Variants in GUCY2D observed in about 807,000 individuals in gnomAD.
GUCY2D encodes the protein retinal guanylyl cyclase 1.
A neutral mutation model predicts 101.3 loss-of-function variants in GUCY2D; 70 were observed. The observed-to-expected ratio is 0.69, with a 90% CI of 0.57 to 0.84. The LOEUF is 0.84. Among genes scored for constraint, GUCY2D ranks in the 40% least tolerant of loss-of-function variants. The pLI is 0.00. For synonymous variants in GUCY2D, 688 were observed against 670.7 expected, an observed-to-expected ratio of 1.03 and a Z score of -0.40; for missense variants, 1,460 against 1,542.5, an observed-to-expected ratio of 0.95 and a Z score of 0.90.
rs987443994 is a variant in GUCY2D, at chr17:8,002,868, G to A, written c.-10+134G>A. The A allele has an allele frequency of 1.1e-5, 6 of 556,702 alleles. No individual in the cohort carries two copies. Among genetic ancestry groups the A allele is most frequent in the East Asian group, 6.8e-5 (2 of 29,240 alleles). 34.5% of individuals were successfully genotyped at this position (556,702 alleles called of 1,614,324 possible). On this transcript the variant is annotated intron_variant, in intron 1 of 19. Coordinates refer to ENST00000254854, the MANE Select transcript of GUCY2D (RefSeq NM_000180.4). This position sits in a 1 kb window ranked among gnomAD's most constrained non-coding sequence, Gnocchi z 4.9. Reference sequence around the variant, plus strand: ...CGGGAAGCCGGGGCGGCAGAAGGGGGCTTCGGGGCGGTGTCCTTGGCCCCA... The same window carrying A: ...CGGGAAGCCGGGGCGGCAGAAGGGGACTTCGGGGCGGTGTCCTTGGCCCCA...
At position 8,003,942 on chromosome 17, in the gene GUCY2D, G is replaced by C. The variant is rs1343799941; in HGVS notation, c.812G>C (p.Gly271Ala). The change falls in exon 3 of 20, where the codon GGC (glycine) becomes GCC (alanine). Residue 271 changes from glycine (G) to alanine (A), a missense_variant. Coordinates refer to ENST00000254854, the MANE Select transcript of GUCY2D (RefSeq NM_000180.4). ...EAAEELGLTD[G>A]SLVFLPFDTI... ...GCAGAGGAGCTGGGCCTGACCGATG[G>C]CTCCCTGGTCTTCCTGCCCTTCGAC... 1.2e-6 allele frequency: 2 copies of C among 1,613,562 alleles called. No individual in the cohort carries two copies. Among genetic ancestry groups the C allele is most frequent in the Non-Finnish European group, 1.7e-6 (2 of 1,179,888 alleles).
chr17:8,006,380 C>T lies in GUCY2D; in HGVS notation c.1044C>T (p.Gly348=), dbSNP rs748665297. 41 of 1,600,412 alleles carry T rather than the reference C, an allele frequency of 2.6e-5. No individual in the cohort carries two copies. Among genetic ancestry groups the T allele is most frequent in the Non-Finnish European group, 3.3e-5 (39 of 1,179,920 alleles). The change falls in exon 4 of 20, where the codon GGC becomes GGT. Residue 348 remains glycine, a synonymous_variant. Transcript: ENST00000254854. ...TTCTCCAGGTCTCCCCACTCTTTGG[C>T]ACCATCTATGACGCGGTCTTCTTGC... is the stretch of plus-strand genomic sequence containing the variant. ...LNLQQVSPLF[G]TIYDAVFLLA... is the part of the protein sequence containing the mutation.
chr17:8,020,014 G>A (rs1976042713), intron 19 of GUCY2D, 114 bp from the exon 20 acceptor site: 1 of 151,828 alleles, frequency 6.6e-6, no homozygotes, highest in Admixed American at 6.6e-5. Context: ...GATGGCCAAA[G>A]CAGGGACCTC....
Position 8,011,157 on chromosome 17 carries a change from CCACCTGAGGTCAGGAG to C in GUCY2D, c.1750-986_1750-971del, listed in dbSNP as rs1433991693. Among the ~76,000 whole-genome samples, 1 of 150,920 alleles carries C rather than the reference CCACCTGAGGTCAGGAG, an allele frequency of 6.6e-6. No individual in the cohort carries two copies. Among genetic ancestry groups the C allele is most frequent in the Non-Finnish European group, 1.5e-5 (1 of 67,642 alleles). On this transcript the variant is annotated intron_variant, in intron 8 of 19. Coordinates refer to ENST00000254854, the MANE Select transcript of GUCY2D (RefSeq NM_000180.4). The surrounding 1 kb of genome is among the most constrained non-coding windows in gnomAD (Gnocchi z 4.3). ...ACTTTGGGAGGCTGAGGTGGATGGA[CCACCTGAGGTCAGGAG>C]TTCGAGACCAGACTGGCCAACATAG...
rs1975652416 is a variant in GUCY2D, at chr17:8,002,907, G to A, written c.-9-132G>A. On this transcript the variant is annotated intron_variant, in intron 1 of 19. Coordinates refer to ENST00000254854, the MANE Select transcript of GUCY2D (RefSeq NM_000180.4). This position sits in a 1 kb window ranked among gnomAD's most constrained non-coding sequence, Gnocchi z 4.9. ...TCCTTGGCCCCAGTTAGTCTTCCCAGCCTCCGGAGGGGGCGGTAGCAGCAG... is the reference window on the plus strand; with the variant it reads ...TCCTTGGCCCCAGTTAGTCTTCCCAACCTCCGGAGGGGGCGGTAGCAGCAG... 1.5e-6 allele frequency: 1 copy of A among 678,946 alleles called. No homozygotes were observed. Among genetic ancestry groups the A allele is most frequent in the East Asian group, 3.3e-5 (1 of 29,924 alleles). The allele number at this position is 678,946 out of a possible 1,614,324, so 42.1% of individuals were successfully genotyped here.
At chr17:8,004,865 A>G (rs1234884315) in intron 3 of GUCY2D, among the ~76,000 whole-genome samples, 1 of 152,164 alleles carries the variant, frequency 6.6e-6, no homozygotes, top group African/African-American at 2.4e-5. Flanking sequence ...GCAATTTCCC[A>G]TCGATGCCCC....
chr17:8,009,032 T>C (rs558330360), intron 7 of GUCY2D, among the ~76,000 whole-genome samples: 2 of 152,316 alleles, frequency 1.3e-5, no homozygotes, highest in African/African-American at 4.8e-5. Context: ...AGGCCCTGTG[T>C]GACTGCACAG....
rs1419670597 is a variant in GUCY2D, at chr17:8,013,453, A to G, written c.2263+201A>G. 13 of 624,542 alleles carry G rather than the reference A, an allele frequency of 2.1e-5. No individual in the cohort carries two copies. Among genetic ancestry groups the G allele is most frequent in the Admixed American group, 7.4e-5 (3 of 40,564 alleles). 38.7% of individuals were successfully genotyped at this position (624,542 alleles called of 1,614,324 possible). A position where few individuals can be genotyped will look rare whatever the true frequency, so the allele number is the denominator to read the frequency against. ...GGGAGCGTGGTTCATTAGGTCCCAG[A>G]CCACAACAGCTTCCTCTTTCTTGAT... On this transcript the variant is annotated intron_variant, in intron 11 of 19. Transcript: ENST00000254854. This position sits in a 1 kb window ranked among gnomAD's most constrained non-coding sequence, Gnocchi z 5.0.
chr17:8,014,392 T>C lies in GUCY2D; in HGVS notation c.2413-209T>C, dbSNP rs1975919379. On this transcript the variant is annotated intron_variant, in intron 12 of 19. Transcript: ENST00000254854. This position sits in a 1 kb window ranked among gnomAD's most constrained non-coding sequence, Gnocchi z 4.0. ...TTACTAGCTGAGATCAACTGACCTCTGGGAACCCTCATTTCCCACGTGCCT... is the reference window on the plus strand; with the variant it reads ...TTACTAGCTGAGATCAACTGACCTCCGGGAACCCTCATTTCCCACGTGCCT... 1 of 642,154 alleles carries C rather than the reference T, an allele frequency of 1.6e-6. No individual in the cohort carries two copies. The highest frequency in any genetic ancestry group is 2.8e-5 in the East Asian group (1 of 36,112). The allele number at this position is 642,154 out of a possible 1,614,324, so 39.8% of individuals were successfully genotyped here. A position where few individuals can be genotyped will look rare whatever the true frequency, so the allele number is the denominator to read the frequency against.
Position 8,012,198 on chromosome 17 carries a change from CG to C in GUCY2D, c.1808del (p.Gly603GlufsTer34), listed in dbSNP as rs1567960468. 6.2e-7 allele frequency: 1 copy of C among 1,614,096 alleles called. No individual in the cohort carries two copies. The highest frequency in any genetic ancestry group is 8.5e-7 in the Non-Finnish European group (1 of 1,179,996). On this transcript the variant is annotated frameshift_variant, in exon 9 of 20. Coordinates refer to ENST00000254854, the MANE Select transcript of GUCY2D (RefSeq NM_000180.4). LOFTEE classifies it high-confidence loss of function. ...VALYLGLFLA[R>X]GAEGPAALWE... is the part of the protein sequence containing the mutation. ...CCTCTACCTGGGGCTTTTCCTGGCT[CG>C]GGGAGCAGAAGGCCCTGCGGCCCTC...
In GUCY2D at chr17:8,016,039, C is replaced by A. The variant is rs765174065; in HGVS notation, c.3138+18C>A. ...AGCTGAAGGTGAGGCAGGGCCCCAACCCCTCCCGGAGGCCCCGCCCTGTCC... is the reference window on the plus strand; with the variant it reads ...AGCTGAAGGTGAGGCAGGGCCCCAAACCCTCCCGGAGGCCCCGCCCTGTCC... On this transcript the variant is annotated intron_variant, in intron 17 of 19. Coordinates refer to ENST00000254854, the MANE Select transcript of GUCY2D (RefSeq NM_000180.4). 1.3e-6 allele frequency: 2 copies of A among 1,586,290 alleles called. No homozygotes were observed. Among genetic ancestry groups the A allele is most frequent in the Non-Finnish European group, 1.7e-6 (2 of 1,164,324 alleles).
Position 8,012,456 on chromosome 17 carries a change from A to C in GUCY2D, c.1963A>C (p.Arg655=). Residue 655 remains arginine, a synonymous_variant, in exon 10 of 20, where the codon AGG becomes CGG. Coordinates refer to ENST00000254854, the MANE Select transcript of GUCY2D (RefSeq NM_000180.4). ...TTACCCTACCCATTCCAAGGGAATA[A>C]GGTATCTGCACCATCGAGGCGTGGC... ...SLLLDLIKGI[R]YLHHRGVAHG... is the part of the protein sequence containing the mutation. 6.2e-7 allele frequency: 1 copy of C among 1,614,042 alleles called. No homozygotes were observed. Among genetic ancestry groups the C allele is most frequent in the Non-Finnish European group, 8.5e-7 (1 of 1,179,962 alleles).
chr17:8,007,139 T>C lies in GUCY2D; in HGVS notation c.1458T>C (p.Tyr486=). The change falls in exon 5 of 20, where the codon TAT becomes TAC. Residue 486 remains tyrosine, a synonymous_variant. Coordinates refer to ENST00000254854, the MANE Select transcript of GUCY2D (RefSeq NM_000180.4). ...TGGCTGGGGCCTTCCTGGCCCATTA[T>C]GTGAGGTGAGTAGTGGAATGAGGTA... ...MGLAGAFLAH[Y]VRHRLLHMQM... is the part of the protein sequence containing the mutation. The C allele has an allele frequency of 2.5e-6, 4 of 1,610,102 alleles. No individual in the cohort carries two copies. Among genetic ancestry groups the C allele is most frequent in the Non-Finnish European group, 3.4e-6 (4 of 1,176,312 alleles).
At position 8,012,181 on chromosome 17, in the gene GUCY2D, T is replaced by C. The variant is rs780537281; in HGVS notation, c.1787T>C (p.Leu596Pro). 2 of 1,614,056 alleles carry C rather than the reference T, an allele frequency of 1.2e-6. No individual in the cohort carries two copies. The highest frequency in any genetic ancestry group is 1.7e-5 in the Admixed American group (1 of 60,030). ...CGGCATGAGAACGTGGCCCTCTACC[T>C]GGGGCTTTTCCTGGCTCGGGGAGCA... is the stretch of plus-strand genomic sequence containing the variant. ...ELRHENVALY[L>P]GLFLARGAEG... Residue 596 changes from leucine to proline, a missense_variant, in exon 9 of 20, where the codon CTG becomes CCG. By Grantham distance (98) the Leu-to-Pro change is moderately conservative. Coordinates refer to ENST00000254854, the MANE Select transcript of GUCY2D (RefSeq NM_000180.4).
rs1283764912 is a variant in GUCY2D, at chr17:8,014,007, C to T, written c.2391C>T (p.Ser797=). 1 of 1,613,566 alleles carries T rather than the reference C, an allele frequency of 6.2e-7. No homozygotes were observed. Among genetic ancestry groups the T allele is most frequent in the Non-Finnish European group, 8.5e-7 (1 of 1,179,948 alleles). The change falls in exon 12 of 20, where the codon TCC becomes TCT. Residue 797 remains serine (S), a synonymous_variant. Coordinates refer to ENST00000254854, the MANE Select transcript of GUCY2D (RefSeq NM_000180.4). The surrounding 1 kb of genome is among the most constrained non-coding windows in gnomAD (Gnocchi z 4.0). ...CWAEQPELRP[S]MDHTFDLFKN... ...CAGAGCAGCCGGAACTTCGGCCCTC[C>T]ATGGACCACACCTTCGACCTGGTCA...
In GUCY2D at chr17:8,014,477, G is replaced by T; in HGVS notation, c.2413-124G>T. ...CCGGGGTGCTTGATGAATAGTAGAT[G>T]AATGGTGGCAGCGGGGTTGGGGTTC... On this transcript the variant is annotated intron_variant, in intron 12 of 19. Transcript: ENST00000254854. This position sits in a 1 kb window ranked among gnomAD's most constrained non-coding sequence, Gnocchi z 4.0. 1 of 893,850 alleles carries T rather than the reference G, an allele frequency of 1.1e-6. No homozygotes were observed. Among genetic ancestry groups the T allele is most frequent in the Non-Finnish European group, 1.9e-6 (1 of 536,100 alleles). 55.4% of individuals were successfully genotyped at this position (893,850 alleles called of 1,614,324 possible). A position where few individuals can be genotyped will look rare whatever the true frequency, so the allele number is the denominator to read the frequency against.
In GUCY2D at chr17:8,013,905, C is replaced by T; in HGVS notation, c.2289C>T (p.Pro763=). 6.2e-7 allele frequency: 1 copy of T among 1,613,766 alleles called. No homozygotes were observed. Among genetic ancestry groups the T allele is most frequent in the African/African-American group, 1.3e-5 (1 of 75,056 alleles). The change falls in exon 12 of 20, where the codon CCC becomes CCT. Residue 763 remains proline, a synonymous_variant. Transcript: ENST00000254854. This position sits in a 1 kb window ranked among gnomAD's most constrained non-coding sequence, Gnocchi z 5.0. ...PEEVVQRVRS[P]PPLCRPLVSM... The stretch of plus-strand genomic sequence containing the variant: ...AAGTGGTGCAGAGGGTGCGGAGCCC[C>T]CCTCCACTGTGTCGGCCCTTGGTGT...
chr17:8,015,411 C>T lies in GUCY2D; in HGVS notation c.2853C>T (p.Asn951=). The T allele has an allele frequency of 6.2e-7, 1 of 1,613,816 alleles. No individual in the cohort carries two copies. The highest frequency in any genetic ancestry group is 8.5e-7 in the Non-Finnish European group (1 of 1,179,918). ...AGCGACACGCGGCAGAGATCGCCAA[C>T]ATGTCACTGGACATCCTCAGTGCCG... is the stretch of plus-strand genomic sequence containing the variant. ...NGQRHAAEIA[N]MSLDILSAVG... is the part of the protein sequence containing the mutation. Residue 951 remains asparagine (N), a synonymous_variant, in exon 15 of 20, where the codon AAC becomes AAT. Coordinates refer to ENST00000254854, the MANE Select transcript of GUCY2D (RefSeq NM_000180.4).
At chr17:8,018,232 G>A (rs1976012181) in intron 19 of GUCY2D, among the ~76,000 whole-genome samples, 1 of 152,154 alleles carries the variant, frequency 6.6e-6, no homozygotes, top group Non-Finnish European at 1.5e-5. Flanking sequence ...ATTGACCAGG[G>A]ATACGACAGT....
Sources: allele counts gnomAD v4.1 joint callset (sites outside exome capture counted in the v4.1 genomes callset), GRCh38; gene constraint gnomAD v4.1.1; non-coding constraint Gnocchi (gnomAD v3.1); transcripts MANE v1.5; gene names NCBI Gene and HGNC (gene_info 2026-07-23, HGNC 2026-07-21).